SMCO2: variants seen among roughly 807,000 people sequenced by gnomAD.
The protein encoded by SMCO2 is single-pass membrane and coiled-coil domain-containing protein 2.
A neutral mutation model predicts 29.5 loss-of-function variants in SMCO2; 25 were observed. The observed-to-expected ratio is 0.85, with a 90% confidence interval of 0.62 to 1.18. SMCO2 has a LOEUF of 1.18. Among genes scored for constraint, SMCO2 ranks in the 50% most tolerant of loss-of-function variants. The pLI is 0.00. For synonymous variants in SMCO2, 117 were observed against 123.3 expected (o/e 0.95, Z 0.34); for missense variants, 348 against 344.5 (o/e 1.01, Z -0.08).
At position 27,500,485 on chromosome 12, in the gene SMCO2, TC is replaced by T. The variant is rs902867018; in HGVS notation, c.684-1436del. ...TTATAGTTTCCTCATTTCTCTGTTT[TC>T]CAAATTATCTTTGCTTTAGAAAATT... On this transcript the variant is annotated intron_variant, in intron 7 of 7. Transcript: ENST00000298876. 1.4e-5 allele frequency among the ~76,000 whole-genome samples: 2 copies of T among 147,746 alleles called. 1 individual carries two copies. Among genetic ancestry groups the T allele is most frequent in the African/African-American group, 5.1e-5 (2 of 38,956 alleles).
the SMCO2 span, among the ~76,000 whole-genome samples, chr12:27,437,711 A>G: frequency 6.6e-6 from 1 of 152,208 alleles, no homozygotes; most frequent in Non-Finnish European, 1.5e-5. Context: ...GCCATAAATC[A>G]GTTTCCTTTT....
the SMCO2 span, among the ~76,000 whole-genome samples, chr12:27,428,439 G>T: frequency 6.6e-6 from 1 of 152,104 alleles, no homozygotes; most frequent in Non-Finnish European, 1.5e-5. Flanking sequence ...TTTTGCAAAG[G>T]CACTTTGAGT....
intron 7 of SMCO2, chr12:27,497,811 G>A (rs1943029239): frequency 4.7e-6 from 1 of 214,814 alleles, no homozygotes; most frequent in Non-Finnish European, 9.2e-6. Flanking sequence ...AAAACTATTT[G>A]AGGAGAAAGA....
At chr12:27,446,885 TG>T in the SMCO2 span, among the ~76,000 whole-genome samples, 2 of 152,202 alleles carry the variant, frequency 1.3e-5, no homozygotes. Context: ...ATGCTTTTGC[TG>T]ATGCTGGTCC....
chr12:27,473,752 C>T (rs1949560908), intron 3 of SMCO2, among the ~76,000 whole-genome samples: 1 of 152,186 alleles, frequency 6.6e-6, no homozygotes, highest in South Asian at 2.1e-4. Context: ...GATCTATTCT[C>T]CCTCCTCCAA....
chr12:27,473,778 G>GT (rs1221366832), intron 3 of SMCO2, among the ~76,000 whole-genome samples: 1 of 152,134 alleles, frequency 6.6e-6, no homozygotes, highest in Admixed American at 6.6e-5. Context: ...TCTCCTTCCA[G>GT]TTTAAAAATA....
intron 2 of SMCO2, among the ~76,000 whole-genome samples, chr12:27,471,927 T>A (rs1245943469): frequency 1.3e-5 from 2 of 152,236 alleles, no homozygotes; most frequent in Non-Finnish European, 2.9e-5. Context: ...GTTCTACTTT[T>A]CGGGTTTTCC....
rs917762455 is a variant in SMCO2, at chr12:27,471,137, G to A, written c.134+372G>A. 1.6e-4 allele frequency among the ~76,000 whole-genome samples: 25 copies of A among 152,080 alleles called. No homozygotes were observed. In the East Asian group the frequency reaches 3.1e-3, roughly 19 times the overall value. On this transcript the variant is annotated intron_variant, in intron 2 of 7. Transcript: ENST00000298876. ...AACACATATATACATTTGCTAGTAC[G>A]TGTTTAAAATGCATACTAGTTTAGC...
At chr12:27,462,145 G>T (rs1463757012), upstream of SMCO2, among the ~76,000 whole-genome samples, 2 of 152,122 alleles carry the variant, frequency 1.3e-5, no homozygotes, top group Admixed American at 1.3e-4. Flanking sequence ...TCACAATGAT[G>T]TTTTTTTCCT....
At chr12:27,484,469 A>G (rs1255512830) in intron 4 of SMCO2, among the ~76,000 whole-genome samples, 1 of 152,186 alleles carries the variant, frequency 6.6e-6, no homozygotes, top group African/African-American at 2.4e-5. Context: ...AAAAGCATTC[A>G]TTTTGTAAAG....
chr12:27,482,833 C>T (rs1482195288), intron 4 of SMCO2, among the ~76,000 whole-genome samples: 2 of 152,184 alleles, frequency 1.3e-5, no homozygotes, highest in Admixed American at 1.3e-4. Context: ...CTCAAGCAAT[C>T]CTTCCACCTC....
At chr12:27,460,773 C>T in the SMCO2 span, among the ~76,000 whole-genome samples, 1 of 152,172 alleles carries the variant, frequency 6.6e-6, no homozygotes, top group Non-Finnish European at 1.5e-5. Context: ...AAAGCCTTAG[C>T]TCTGTTATGC....
intron 1 of SMCO2, among the ~76,000 whole-genome samples, chr12:27,468,241 C>T (rs185389313): frequency 2.0e-5 from 3 of 152,248 alleles, no homozygotes; most frequent in Admixed American, 2.0e-4. Context: ...TAGCAAACAC[C>T]CAACATCATA....
intron 4 of SMCO2, 68 bp downstream of exon 4, chr12:27,474,981 A>G: frequency 6.6e-7 from 1 of 1,507,590 alleles, no homozygotes; most frequent in African/African-American, 1.4e-5. Flanking sequence ...ATTTAAGCAG[A>G]TAACTTAGGG....
At chr12:27,502,160 C>T in exon 8 of SMCO2, 2 of 1,422,960 alleles carry the variant, frequency 1.4e-6, no homozygotes, top group South Asian at 1.5e-5. Context: ...ACTTTCTCAC[C>T]AGTAAACATT....
chr12:27,472,272 G>A (rs999359604), intron 2 of SMCO2, among the ~76,000 whole-genome samples: 14 of 151,822 alleles, frequency 9.2e-5, no homozygotes, highest in Non-Finnish European at 1.6e-4. Context: ...ATATATACAC[G>A]CATACATGCA....
At chr12:27,455,975 C>A in the SMCO2 span, among the ~76,000 whole-genome samples, 1 of 152,170 alleles carries the variant, frequency 6.6e-6, no homozygotes, top group Non-Finnish European at 1.5e-5. Flanking sequence ...TTCGGGAGGC[C>A]GAGGTGGGTG....
chr12:27,464,648 T>C (rs1352036131), upstream of SMCO2, among the ~76,000 whole-genome samples: 1 of 123,752 alleles, frequency 8.1e-6, no homozygotes, highest in African/African-American at 3.2e-5. Flanking sequence ...GCCCAGGAGG[T>C]CGAACCTGCA....
At chr12:27,498,934 C>A (rs953769329) in intron 7 of SMCO2, among the ~76,000 whole-genome samples, 2 of 150,438 alleles carry the variant, frequency 1.3e-5, no homozygotes, top group Admixed American at 1.3e-4. Context: ...AAAAGACAGA[C>A]AATAACTAGC....
Sources: gnomAD v4.1 joint callset for allele counts (sites outside exome capture counted in the v4.1 genomes callset) on GRCh38, gnomAD v4.1.1 for gene constraint, MANE v1.5 for transcripts, NCBI Gene and HGNC (gene_info 2026-07-23, HGNC 2026-07-21) for gene names.